GNAO1: variants seen among roughly 807,000 people sequenced by gnomAD.
GNAO1 encodes the protein G protein subunit alpha o1, also known as guanine nucleotide-binding protein G(o) subunit alpha.
For synonymous variants in GNAO1, 164 were observed against 180.7 expected (o/e 0.91, Z 0.74); for missense variants, 166 against 478.7 (o/e 0.35, Z 6.10).
intron 3 of GNAO1, among the ~76,000 whole-genome samples, chr16:56,320,333 C>T (rs149407965): frequency 7.6e-4 from 116 of 152,262 alleles, no homozygotes; most frequent in Middle Eastern, 3.4e-3. Flanking sequence ...TGGACAGCAG[C>T]GCAGCCCACC....
At chr16:56,283,313 A>G (rs1263751987) in intron 3 of GNAO1, among the ~76,000 whole-genome samples, 1 of 152,134 alleles carries the variant, frequency 6.6e-6, no homozygotes, top group Non-Finnish European at 1.5e-5. Context: ...TCAGTCACCT[A>G]CCTAAGCAGG....
intron 3 of GNAO1, among the ~76,000 whole-genome samples, chr16:56,287,420 C>T (rs1216057021): frequency 6.6e-6 from 1 of 152,224 alleles, no homozygotes; most frequent in Non-Finnish European, 1.5e-5. Flanking sequence ...CTGACTGACC[C>T]TCAGGTTCCT....
intron 3 of GNAO1, among the ~76,000 whole-genome samples, chr16:56,303,221 T>C (rs2037362067): frequency 6.6e-6 from 1 of 152,138 alleles, no homozygotes; most frequent in African/African-American, 2.4e-5. Context: ...TGTCCCATGC[T>C]GGGGTGGGGT....
At chr16:56,199,506 T>C (rs1256707694) in intron 2 of GNAO1, among the ~76,000 whole-genome samples, 1 of 152,168 alleles carries the variant, frequency 6.6e-6, no homozygotes, top group South Asian at 2.1e-4. Context: ...CTTGCCTGGG[T>C]TAAGGTGCCT....
At chr16:56,217,977 G>A (rs745714359) in intron 2 of GNAO1, among the ~76,000 whole-genome samples, 2 of 152,220 alleles carry the variant, frequency 1.3e-5, no homozygotes, top group Non-Finnish European at 2.9e-5. Flanking sequence ...TTCCTAGGAG[G>A]AAAGAGGCAT....
chr16:56,305,173 TAGTG>T (rs2037381602), intron 3 of GNAO1, among the ~76,000 whole-genome samples: 2 of 152,192 alleles, frequency 1.3e-5, no homozygotes, highest in African/African-American at 4.8e-5. Context: ...AGATGGTACC[TAGTG>T]CCCATCTCAA....
intron 2 of GNAO1, among the ~76,000 whole-genome samples, chr16:56,240,176 C>T (rs988954348): frequency 6.6e-6 from 1 of 152,148 alleles, no homozygotes; most frequent in Admixed American, 6.5e-5. Context: ...TGAAAGCCAC[C>T]TCAGCAGCCT....
chr16:56,266,687 G>A (rs1280450494), intron 2 of GNAO1, among the ~76,000 whole-genome samples: 7 of 152,140 alleles, frequency 4.6e-5, no homozygotes, highest in African/African-American at 1.2e-4. Flanking sequence ...CTGAGTGCCA[G>A]ACCCTCCCCA....
At chr16:56,234,994 T>A (rs760371931) in intron 2 of GNAO1, 2 of 253,122 alleles carry the variant, frequency 7.9e-6, no homozygotes, top group Non-Finnish European at 1.6e-5. Flanking sequence ...ATGCTGTTTA[T>A]GTCTTTCTTA....
intron 6 of GNAO1, 82 bp downstream of exon 6, chr16:56,336,942 T>C: frequency 7.3e-7 from 1 of 1,367,776 alleles, no homozygotes; most frequent in Non-Finnish European, 1.0e-6. Flanking sequence ...GCACTGGGCC[T>C]CGGGTGCCCA....
At chr16:56,345,038 G>C in intron 6 of GNAO1, 1 of 985,422 alleles carries the variant, frequency 1.0e-6, no homozygotes, top group Non-Finnish European at 1.2e-6. Context: ...TTGGACCCAG[G>C]CCAGCACAAA....
intron 2 of GNAO1, among the ~76,000 whole-genome samples, chr16:56,204,378 C>T (rs1418519313): frequency 1.3e-5 from 2 of 152,016 alleles, no homozygotes; most frequent in African/African-American, 2.4e-5. Context: ...CCCTTGTGGT[C>T]GGGCCATGAG....
chr16:56,341,081 A>C, intron 6 of GNAO1: 2 of 981,814 alleles, frequency 2.0e-6, no homozygotes, highest in Admixed American at 4.2e-5. Flanking sequence ...GATGCCCCTG[A>C]CTCTGCCACA....
chr16:56,216,864 C>T (rs1031063042), intron 2 of GNAO1, among the ~76,000 whole-genome samples: 1 of 152,208 alleles, frequency 6.6e-6, no homozygotes, highest in Non-Finnish European at 1.5e-5. Flanking sequence ...CAGCCAAGTG[C>T]TTATCCCCTT....
At chr16:56,276,520 C>CAAAA (rs1316440361) in intron 3 of GNAO1, 1 of 154,960 alleles carries the variant, frequency 6.5e-6, no homozygotes, top group East Asian at 1.9e-4. Context: ...TCCTCTTTTA[C>CAAAA]ACCAAGGGCT....
intron 3 of GNAO1, among the ~76,000 whole-genome samples, chr16:56,284,819 A>G (rs567861129): frequency 9.8e-5 from 15 of 152,334 alleles, no homozygotes; most frequent in Admixed American, 3.3e-4. Flanking sequence ...TACTAGGGAT[A>G]TGCATGGCCT....
intron 2 of GNAO1, among the ~76,000 whole-genome samples, chr16:56,264,981 G>A (rs1182436921): frequency 1.3e-5 from 2 of 152,106 alleles, no homozygotes; most frequent in Non-Finnish European, 2.9e-5. Flanking sequence ...AAATAGCCAA[G>A]GGATCCATTT....
intron 3 of GNAO1, chr16:56,301,968 G>T (rs1192944902): frequency 6.6e-6 from 1 of 152,160 alleles, no homozygotes; most frequent in African/African-American, 2.4e-5. Flanking sequence ...TGATGTGGAG[G>T]TGTGGGCAGA....
chr16:56,332,583 T>C (rs1277314295), intron 4 of GNAO1, among the ~76,000 whole-genome samples: 1 of 152,180 alleles, frequency 6.6e-6, no homozygotes. Context: ...CCTGGGAAGG[T>C]GGGGCTGTGT....
Sources: allele counts gnomAD v4.1 joint callset (sites outside exome capture counted in the v4.1 genomes callset), GRCh38; gene constraint gnomAD v4.1.1; transcripts MANE v1.5; gene names NCBI Gene and HGNC (gene_info 2026-07-23, HGNC 2026-07-21).